The following PTAR1 variants were observed in gnomAD, a reference collection of about 807,000 sequenced individuals.
PTAR1 encodes protein prenyltransferase alpha subunit repeat containing 1.
In PTAR1, 17 loss-of-function variants were observed where a neutral mutation model predicts 45.5. That is an observed-to-expected ratio of 0.37 (90% CI 0.26 to 0.56). PTAR1 has a LOEUF of 0.56. Ranked by LOEUF, PTAR1 falls within the 20% of genes least tolerant of loss-of-function variation. PTAR1 has a pLI of 0.77. For missense variants in PTAR1, 391 were observed against 476.3 expected (o/e 0.82, Z 1.67); for synonymous variants, 169 against 171.3 (o/e 0.99, Z 0.11).
At chr9:69,726,649 T>C (rs1261002239) in intron 5 of PTAR1, among the ~76,000 whole-genome samples, 1 of 152,006 alleles carries the variant, frequency 6.6e-6, no homozygotes, top group Non-Finnish European at 1.5e-5. Flanking sequence ...CTAATAAGAA[T>C]CACATTTCAT....
chr9:69,735,469 A>AT (rs1386681872), intron 3 of PTAR1, among the ~76,000 whole-genome samples: 2 of 152,064 alleles, frequency 1.3e-5, no homozygotes, highest in South Asian at 2.1e-4. Flanking sequence ...ACAGAAAGCA[A>AT]TTTTTTCCCC....
rs1237445116 is a variant in PTAR1 at position 69,712,048 on chromosome 9, C to T, written c.*6294G>A. On this transcript the variant is annotated 3_prime_UTR_variant, in exon 8 of 8. Transcript: ENST00000340434. The stretch of plus-strand genomic sequence containing the variant: ...ATATTTGTAAGGGAGGATAATTTAT[C>T]AACTTTTTCTAATAGAATGCTCCTT... The T allele has an allele frequency of 6.6e-6, 1 of 152,086 alleles. No individual in the cohort carries two copies. The allele number at this position is 152,086 out of a possible 1,614,324, so 9.4% of individuals were successfully genotyped here. A position where few individuals can be genotyped will look rare whatever the true frequency, so the allele number is the denominator to read the frequency against.
intron 5 of PTAR1, among the ~76,000 whole-genome samples, chr9:69,728,736 T>C (rs958612272): frequency 6.6e-6 from 1 of 152,200 alleles, no homozygotes; most frequent in Admixed American, 6.5e-5. Flanking sequence ...TATAAAAATA[T>C]TTTAAAATTT....
chr9:69,741,902 T>G (rs1826059784), intron 2 of PTAR1, 44 bp from the exon 3 acceptor site: 2 of 1,236,336 alleles, frequency 1.6e-6, no homozygotes, highest in Non-Finnish European at 2.3e-6. Context: ...AGTCCTACCT[T>G]TTAAAGCTTG....
chr9:69,759,616 C>T (rs1826986525), intron 1 of PTAR1, among the ~76,000 whole-genome samples: 1 of 152,142 alleles, frequency 6.6e-6, no homozygotes, highest in South Asian at 2.1e-4. Flanking sequence ...GAAAGTAGTT[C>T]CGTTTTGATT....
chr9:69,733,259 A>G (rs1825627622), intron 4 of PTAR1, among the ~76,000 whole-genome samples: 1 of 152,150 alleles, frequency 6.6e-6, no homozygotes, highest in Non-Finnish European at 1.5e-5. Flanking sequence ...TCTGTGGTAT[A>G]CTATCTCAAT....
In PTAR1 at chr9:69,750,783, T is replaced by C; in HGVS notation, c.254A>G (p.Asp85Gly). The C allele has an allele frequency of 6.2e-7, 1 of 1,605,096 alleles. No homozygotes were observed. Among genetic ancestry groups the C allele is most frequent in the South Asian group, 1.1e-5 (1 of 89,624 alleles). The change falls in exon 2 of 8, where the codon GAT (aspartate) becomes GGT (glycine). Residue 85 changes from aspartate (D) to glycine (G), a missense_variant and splice_region_variant. Coordinates refer to ENST00000340434, the MANE Select transcript of PTAR1 (RefSeq NM_001099666.2). ...YRTRKQWLNR[D>G]ELIDVTCTLL... Reference sequence around the variant, plus strand: ...AAGAAAATATGATTCATACTTACCATCTCTGTTCAGCCATTGCTTTCTTGT... The same window carrying C: ...AAGAAAATATGATTCATACTTACCACCTCTGTTCAGCCATTGCTTTCTTGT...
intron 1 of PTAR1, among the ~76,000 whole-genome samples, chr9:69,756,627 T>G (rs1826789525): frequency 6.6e-6 from 1 of 152,140 alleles, no homozygotes; most frequent in South Asian, 2.1e-4. Flanking sequence ...CTGCTCCCTG[T>G]GGAGGTCTCT....
At chr9:69,751,659 C>T (rs1826540115) in intron 1 of PTAR1, among the ~76,000 whole-genome samples, 1 of 151,746 alleles carries the variant, frequency 6.6e-6, no homozygotes, top group African/African-American at 2.4e-5. Context: ...TGTGTTTATG[C>T]TTGCTTGCTA....
At chr9:69,727,497 T>A (rs1265674242) in intron 5 of PTAR1, among the ~76,000 whole-genome samples, 1 of 83,328 alleles carries the variant, frequency 1.2e-5, no homozygotes, top group East Asian at 3.5e-4. Context: ...AAAGTTCAAT[T>A]TGGTATTTAA....
chr9:69,718,899 T>C (rs1318634138), intron 6 of PTAR1, among the ~76,000 whole-genome samples: 1 of 152,170 alleles, frequency 6.6e-6, no homozygotes, highest in East Asian at 1.9e-4. Context: ...ACAGGTTTGT[T>C]TGTGAGAAAG....
Position 69,734,218 on chromosome 9 carries a change from A to C in PTAR1, c.360T>G (p.Ile120Met). The C allele has an allele frequency of 7.1e-7, 1 of 1,403,118 alleles. No homozygotes were observed. Among genetic ancestry groups the C allele is most frequent in the Non-Finnish European group, 9.9e-7 (1 of 1,012,048 alleles). The allele number at this position is 1,403,118 out of a possible 1,614,324, so 86.9% of individuals were successfully genotyped here. The change falls in exon 4 of 8, where the codon ATT becomes ATG. Residue 120 changes from isoleucine (I) to methionine (M), a missense_variant. This residue lies in a region of PTAR1 where 152 missense variants were observed against 160.0 expected (regional missense o/e 0.95). Transcript: ENST00000340434. ...ELILSGTLNPIKDLHLGKLAL... is the reference protein window; with the variant it reads ...ELILSGTLNPMKDLHLGKLAL... ...CGAGTTTTCCCAGATGTAAATCCTT[A>C]ATTGGATTTAAAGTGCCAGAGAGGA...
rs1824801718 is a variant in PTAR1 at position 69,718,079 on chromosome 9, T to C, written c.*263A>G. 2 of 332,458 alleles carry C rather than the reference T, an allele frequency of 6.0e-6. No individual in the cohort carries two copies. The highest frequency in any genetic ancestry group is 1.1e-5 in the Non-Finnish European group (2 of 181,496). 20.6% of individuals were successfully genotyped at this position (332,458 alleles called of 1,614,324 possible). A position where few individuals can be genotyped will look rare whatever the true frequency, so the allele number is the denominator to read the frequency against. Reference sequence around the variant, plus strand: ...AAAACCAAATGAGAAGCCCCACATATAGAAATACAAAGGGTGAGAAGTTAA... The same window carrying C: ...AAAACCAAATGAGAAGCCCCACATACAGAAATACAAAGGGTGAGAAGTTAA... On this transcript the variant is annotated 3_prime_UTR_variant, in exon 8 of 8. Coordinates refer to ENST00000340434, the MANE Select transcript of PTAR1 (RefSeq NM_001099666.2).
chr9:69,747,550 T>C (rs929398030), intron 2 of PTAR1, among the ~76,000 whole-genome samples: 5 of 152,234 alleles, frequency 3.3e-5, no homozygotes, highest in Non-Finnish European at 4.4e-5. Context: ...CTCAAAAAAG[T>C]AGCAAAGGAA....
intron 5 of PTAR1, among the ~76,000 whole-genome samples, chr9:69,725,430 A>G (rs1342317541): frequency 6.6e-6 from 1 of 151,892 alleles, no homozygotes; most frequent in East Asian, 1.9e-4. Context: ...TCTCTACTAA[A>G]AATACAAAAA....
In PTAR1 at chr9:69,709,952, C is replaced by G. The variant is rs753754379; in HGVS notation, c.*8390G>C. 1 of 152,030 alleles carries G rather than the reference C, an allele frequency of 6.6e-6. No individual in the cohort carries two copies. The highest frequency in any genetic ancestry group is 6.6e-5 in the Admixed American group (1 of 15,262). 9.4% of individuals were successfully genotyped at this position (152,030 alleles called of 1,614,324 possible). A position where few individuals can be genotyped will look rare whatever the true frequency, so the allele number is the denominator to read the frequency against. Reference sequence around the variant, plus strand: ...GTATTTTACATGGTATGGAATTATTCCTCCTTAATAATGCTTGGCAAATTG... The same window carrying G: ...GTATTTTACATGGTATGGAATTATTGCTCCTTAATAATGCTTGGCAAATTG... On this transcript the variant is annotated 3_prime_UTR_variant, in exon 8 of 8. Coordinates refer to ENST00000340434, the MANE Select transcript of PTAR1 (RefSeq NM_001099666.2).
At chr9:69,734,090 T>G (rs1825671226) in intron 4 of PTAR1, 60 bp downstream of exon 4, 7 of 985,980 alleles carry the variant, frequency 7.1e-6, no homozygotes, top group Non-Finnish European at 1.1e-5. Context: ...ACATGTCATG[T>G]TTCTTTCTCC....
chr9:69,728,916 T>C lies in PTAR1; in HGVS notation c.642+3223A>G, dbSNP rs933083498. 2.6e-5 allele frequency among the ~76,000 whole-genome samples: 4 copies of C among 152,150 alleles called. No individual in the cohort carries two copies. The South Asian group carries it at 8.3e-4, about 32-fold the overall frequency. ...AAATACAAGAAAAAAATCTATAGCA[T>C]TGTTGTGTGTATGTATTACTATCTG... is the stretch of plus-strand genomic sequence containing the variant. On this transcript the variant is annotated intron_variant, in intron 5 of 7. Transcript: ENST00000340434.
chr9:69,748,511 G>GA (rs946284851), intron 2 of PTAR1, among the ~76,000 whole-genome samples: 1 of 151,970 alleles, frequency 6.6e-6, no homozygotes, highest in Non-Finnish European at 1.5e-5. Flanking sequence ...TGGTTAGGAA[G>GA]AAAAAATCTA....
Sources: gnomAD v4.1 joint callset for allele counts (sites outside exome capture counted in the v4.1 genomes callset) on GRCh38, gnomAD v4.1.1 for gene constraint, gnomAD v4.1.1 regional missense constraint, MANE v1.5 for transcripts, NCBI Gene and HGNC (gene_info 2026-07-23, HGNC 2026-07-21) for gene names.